The following MROH9 variants were observed in gnomAD, a reference collection of about 807,000 sequenced individuals.
MROH9 encodes the protein maestro heat-like repeat-containing protein family member 9.
A neutral mutation model predicts 98.2 loss-of-function variants in MROH9; 92 were observed. That is an observed-to-expected ratio of 0.94 (90% CI 0.79 to 1.11). The LOEUF is 1.11. Among genes scored for constraint, MROH9 ranks in the 50% most tolerant of loss-of-function variants. The probability of loss-of-function intolerance (pLI) is 0.00; values close to 1 mark genes in which losing one functional copy is unlikely to be tolerated. For missense variants in MROH9, 1,057 were observed against 1,014.8 expected (o/e 1.04, Z -0.57); for synonymous variants, 397 against 368.9 (o/e 1.08, Z -0.87).
chr1:170,982,414 T>A (rs1650969433), intron 8 of MROH9, among the ~76,000 whole-genome samples: 1 of 152,120 alleles, frequency 6.6e-6, no homozygotes, highest in Non-Finnish European at 1.5e-5. Context: ...AGAGAGCAGA[T>A]GACAAGAAGT....
chr1:171,030,311 A>G (rs1407142803), intron 20 of MROH9, among the ~76,000 whole-genome samples: 1 of 151,608 alleles, frequency 6.6e-6, no homozygotes, highest in African/African-American at 2.4e-5. Context: ...GGTCTTAGTT[A>G]CTTATTGTCT....
At chr1:170,955,095 G>A (rs1339535864) in intron 3 of MROH9, among the ~76,000 whole-genome samples, 3 of 152,026 alleles carry the variant, frequency 2.0e-5, no homozygotes, top group Non-Finnish European at 4.4e-5. Flanking sequence ...ACTTTACTTA[G>A]AATAGTAGTC....
chr1:171,034,104 T>C (rs1035591501), intron 20 of MROH9, among the ~76,000 whole-genome samples: 2 of 152,264 alleles, frequency 1.3e-5, no homozygotes, highest in South Asian at 2.1e-4. Context: ...CAATATTCCA[T>C]ATTTTATAGT....
intron 20 of MROH9, among the ~76,000 whole-genome samples, chr1:171,037,456 C>CA (rs1571158539): frequency 6.6e-6 from 1 of 150,802 alleles, no homozygotes; most frequent in African/African-American, 2.4e-5. Flanking sequence ...CTGAAGGACA[C>CA]AAAGACTGAA....
At chr1:170,937,515 A>ATTTTTTTTTTTTTTTTTTTTTTTTTTT (rs71125282) in intron 1 of MROH9, among the ~76,000 whole-genome samples, 1 of 113,554 alleles carries the variant, frequency 8.8e-6, no homozygotes. Context: ...CATAATCAGT[A>ATTTTTTTTTTTTTTTTTTTTTTTTTTT]TTTTTTTTTT....
intron 3 of MROH9, among the ~76,000 whole-genome samples, chr1:170,950,529 T>C (rs1649509403): frequency 6.6e-6 from 1 of 152,048 alleles, no homozygotes; most frequent in Non-Finnish European, 1.5e-5. Flanking sequence ...TTCTTATATC[T>C]GCATATTCTA....
chr1:171,059,835 C>T (rs55977088), intron 20 of MROH9, among the ~76,000 whole-genome samples: 239 of 152,112 alleles, frequency 1.6e-3, no homozygotes, highest in African/African-American at 5.5e-3. Flanking sequence ...ACAATGAGAA[C>T]ACATGGACAC....
At chr1:171,014,075 G>C in intron 15 of MROH9, 42 bp from the exon 16 acceptor site, 1 of 1,505,610 alleles carries the variant, frequency 6.6e-7, no homozygotes. Flanking sequence ...TCGTGCAGTG[G>C]CCTCTACTTT....
chr1:171,027,741 G>T (rs577727321), intron 20 of MROH9, among the ~76,000 whole-genome samples: 78 of 152,196 alleles, frequency 5.1e-4, no homozygotes, highest in Non-Finnish European at 9.3e-4. Context: ...TTTAATAATT[G>T]CCATTCTGAC....
intron 3 of MROH9, among the ~76,000 whole-genome samples, chr1:170,957,800 T>TCTTG (rs1649826033): frequency 7.0e-6 from 1 of 142,166 alleles, no homozygotes; most frequent in Non-Finnish European, 1.6e-5. Context: ...TTTTTGTTTT[T>TCTTG]TTTTTTTTTG....
chr1:171,024,931 T>C (rs1652657142), intron 19 of MROH9, among the ~76,000 whole-genome samples, 166 bp downstream of exon 19: 2 of 152,140 alleles, frequency 1.3e-5, no homozygotes, highest in Admixed American at 1.3e-4. Flanking sequence ...CCGAGAGGAA[T>C]TAGAATTTTC....
At chr1:170,969,647 C>A (rs1423126524) in intron 7 of MROH9, among the ~76,000 whole-genome samples, 1 of 151,984 alleles carries the variant, frequency 6.6e-6, no homozygotes, top group Admixed American at 6.6e-5. Flanking sequence ...GCTTCTGGAA[C>A]CTAGCACTTA....
At chr1:170,962,360 G>A (rs1322050399) in intron 6 of MROH9, among the ~76,000 whole-genome samples, 2 of 152,108 alleles carry the variant, frequency 1.3e-5, no homozygotes, top group Non-Finnish European at 2.9e-5. Flanking sequence ...ATCAACTCAG[G>A]TGCTAAAGAA....
chr1:171,009,654 G>A (rs1223030290), intron 15 of MROH9, among the ~76,000 whole-genome samples: 1 of 152,194 alleles, frequency 6.6e-6, no homozygotes, highest in Non-Finnish European at 1.5e-5. Context: ...TCCAAGTTCT[G>A]AGTAAAAGCC....
intron 20 of MROH9, among the ~76,000 whole-genome samples, chr1:171,038,624 C>T (rs1445151290): frequency 6.6e-6 from 1 of 152,086 alleles, no homozygotes; most frequent in Non-Finnish European, 1.5e-5. Context: ...TTTCTGATTA[C>T]CTTCAGCATT....
At position 170,995,163 on chromosome 1, in the gene MROH9, T is replaced by C. The variant is rs527626611; in HGVS notation, c.1195-226T>C. 2.6e-5 allele frequency among the ~76,000 whole-genome samples: 4 copies of C among 152,264 alleles called. No individual in the cohort carries two copies. In the East Asian group the frequency reaches 7.7e-4, roughly 29 times the overall value. On this transcript the variant is annotated intron_variant, in intron 12 of 21. Coordinates refer to ENST00000367759, the MANE Select transcript of MROH9 (RefSeq NM_001163629.2). Reference sequence around the variant, plus strand: ...ACTGGTTTGTCATCCAGGGTGTTTGTATAGTGCCTTAAGAGTTCCTTACCG... The same window carrying C: ...ACTGGTTTGTCATCCAGGGTGTTTGCATAGTGCCTTAAGAGTTCCTTACCG...
At chr1:170,969,890 GTA>G (rs1557878247) in intron 7 of MROH9, among the ~76,000 whole-genome samples, 1 of 152,116 alleles carries the variant, frequency 6.6e-6, no homozygotes, top group African/African-American at 2.4e-5. Flanking sequence ...TAGAGGAGGG[GTA>G]ACTGTGGTTG....
At chr1:170,936,343 G>A (rs1648881764) in intron 1 of MROH9, among the ~76,000 whole-genome samples, 1 of 152,142 alleles carries the variant, frequency 6.6e-6, no homozygotes. Context: ...CTGAGAACCA[G>A]AGCACCGAGG....
At chr1:171,045,084 C>G (rs1052326323) in intron 20 of MROH9, among the ~76,000 whole-genome samples, 1 of 140,944 alleles carries the variant, frequency 7.1e-6, no homozygotes, top group Non-Finnish European at 1.5e-5. Flanking sequence ...TCACTGCAAG[C>G]TCCACCTCCT....
Sources: allele counts gnomAD v4.1 joint callset (sites outside exome capture counted in the v4.1 genomes callset), GRCh38; gene constraint gnomAD v4.1.1; transcripts MANE v1.5; gene names NCBI Gene and HGNC (gene_info 2026-07-23, HGNC 2026-07-21).